Variants in ROBO2 observed in about 807,000 individuals in gnomAD.
The protein encoded by ROBO2 is roundabout guidance receptor 2, also known as roundabout homolog 2.
In ROBO2, 53 loss-of-function variants were observed where a neutral mutation model predicts 160.8. That is an observed-to-expected ratio of 0.33 (90% CI 0.26 to 0.41). The LOEUF (loss-of-function observed/expected upper bound fraction) is 0.41. Ranked by LOEUF, ROBO2 falls within the 10% of genes least tolerant of loss-of-function variation. The probability of loss-of-function intolerance (pLI) is 1.00; values close to 1 mark genes in which losing one functional copy is unlikely to be tolerated. For synonymous variants in ROBO2, 664 were observed against 611.7 expected (o/e 1.09, Z -1.26); for missense variants, 1,577 against 1,722.4 (o/e 0.92, Z 1.49).
intron 2 of ROBO2, among the ~76,000 whole-genome samples, chr3:77,374,921 G>A (rs768135017): frequency 3.7e-4 from 57 of 152,286 alleles, no homozygotes; most frequent in Non-Finnish European, 6.2e-4. Context: ...TAAGATATAT[G>A]AATGGTGCTG....
chr3:77,306,283 T>C (rs1195250773), intron 2 of ROBO2, among the ~76,000 whole-genome samples: 3 of 152,108 alleles, frequency 2.0e-5, no homozygotes, highest in African/African-American at 4.8e-5. Flanking sequence ...CTTTTACAAA[T>C]CTCTCACATG....
At chr3:77,334,278 G>A (rs377037488) in intron 2 of ROBO2, among the ~76,000 whole-genome samples, 8 of 152,096 alleles carry the variant, frequency 5.3e-5, no homozygotes, top group Admixed American at 2.0e-4. Flanking sequence ...TACATCAGTC[G>A]TGTAAATCTG....
At chr3:77,142,308 C>T (rs755081290) in intron 2 of ROBO2, among the ~76,000 whole-genome samples, 1 of 152,076 alleles carries the variant, frequency 6.6e-6, no homozygotes, top group Admixed American at 6.6e-5. Context: ...AATATATGTT[C>T]CATGTTGAAT....
At chr3:76,629,097 A>G (rs2089861432) in intron 2 of ROBO2, among the ~76,000 whole-genome samples, 1 of 152,170 alleles carries the variant, frequency 6.6e-6, no homozygotes, top group Non-Finnish European at 1.5e-5. Flanking sequence ...CATTTGGAAA[A>G]GGGCTGAAAC....
chr3:76,723,012 G>T (rs1325140756), intron 2 of ROBO2, among the ~76,000 whole-genome samples: 1 of 151,964 alleles, frequency 6.6e-6, no homozygotes, highest in African/African-American at 2.4e-5. Flanking sequence ...GATATGTTTT[G>T]TCAGAAAATA....
intron 2 of ROBO2, among the ~76,000 whole-genome samples, chr3:76,028,084 T>G (rs1388877201): frequency 1.3e-5 from 2 of 151,996 alleles, no homozygotes; most frequent in African/African-American, 4.8e-5. Context: ...TTTAGATGGA[T>G]GAAATGTTCT....
intron 2 of ROBO2, among the ~76,000 whole-genome samples, chr3:76,385,745 C>A (rs2076852915): frequency 6.6e-6 from 1 of 152,088 alleles, no homozygotes. Flanking sequence ...AGAGTTTGAT[C>A]TGGATATTTG....
chr3:76,083,646 A>G (rs1003411982), intron 2 of ROBO2, among the ~76,000 whole-genome samples: 1 of 152,118 alleles, frequency 6.6e-6, no homozygotes, highest in African/African-American at 2.4e-5. Context: ...TCTTTCACCA[A>G]TTCCCTGATA....
chr3:76,964,503 C>T (rs531992151), intron 2 of ROBO2, among the ~76,000 whole-genome samples: 50 of 152,122 alleles, frequency 3.3e-4, no homozygotes, highest in African/African-American at 9.2e-4. Flanking sequence ...CCACCATGCC[C>T]GGCTAATTTT....
At position 76,839,350 on chromosome 3, in the gene ROBO2, A is replaced by G. The variant is rs1410892240; in HGVS notation, c.110-258664A>G. Among the ~76,000 whole-genome samples the G allele has an allele frequency of 6.6e-5, 10 of 152,272 alleles. No homozygotes were observed. The South Asian group carries it at 1.0e-3, about 16-fold the overall frequency. ...TAGTTGGTGAAATAAGGCATGTAGGAAAAGATAACTAACAATTTATTGAGT... is the reference window on the plus strand; with the variant it reads ...TAGTTGGTGAAATAAGGCATGTAGGGAAAGATAACTAACAATTTATTGAGT... On this transcript the variant is annotated intron_variant, in intron 2 of 26. Coordinates refer to the ROBO2 transcript ENST00000487694.
chr3:77,469,865 C>T (rs1272947328), intron 2 of ROBO2, among the ~76,000 whole-genome samples: 1 of 152,126 alleles, frequency 6.6e-6, no homozygotes, highest in Non-Finnish European at 1.5e-5. Context: ...ATCAACCAAT[C>T]GACATTATTT....
intron 1 of ROBO2, among the ~76,000 whole-genome samples, chr3:77,087,220 T>C (rs902484020): frequency 7.9e-5 from 12 of 152,222 alleles, no homozygotes; most frequent in African/African-American, 2.7e-4. Flanking sequence ...ATAGTCTTCA[T>C]TAAATAAATG....
chr3:76,213,128 A>T (rs1270981449), intron 2 of ROBO2, among the ~76,000 whole-genome samples: 2 of 152,154 alleles, frequency 1.3e-5, no homozygotes, highest in African/African-American at 4.8e-5. Flanking sequence ...AAAGATGGGT[A>T]GAATTTCAAT....
chr3:77,603,433 ATATTAG>A (rs965229429), intron 20 of ROBO2, among the ~76,000 whole-genome samples: 9 of 152,190 alleles, frequency 5.9e-5, no homozygotes, highest in Non-Finnish European at 1.3e-4. Flanking sequence ...GTAGTTCATA[ATATTAG>A]TATATCATTG....
intron 2 of ROBO2, among the ~76,000 whole-genome samples, chr3:77,122,725 G>A (rs911836229): frequency 6.6e-6 from 1 of 152,200 alleles, no homozygotes; most frequent in Non-Finnish European, 1.5e-5. Context: ...CACATGTGGT[G>A]TTGTGGTAAT....
chr3:77,099,014 A>G (rs1479896368), intron 2 of ROBO2, among the ~76,000 whole-genome samples: 1 of 151,648 alleles, frequency 6.6e-6, no homozygotes, highest in Admixed American at 6.6e-5. Flanking sequence ...CTCCTAAATA[A>G]TAGCTCATGG....
At chr3:76,754,950 C>T (rs2060884474) in intron 2 of ROBO2, among the ~76,000 whole-genome samples, 1 of 151,806 alleles carries the variant, frequency 6.6e-6, no homozygotes, top group African/African-American at 2.4e-5. Flanking sequence ...AGTGAAAAAA[C>T]ACAATGGCTA....
chr3:77,485,563 C>T (rs948134268), intron 4 of ROBO2, among the ~76,000 whole-genome samples: 1 of 152,088 alleles, frequency 6.6e-6, no homozygotes, highest in African/African-American at 2.4e-5. Context: ...CAGTCTCAAT[C>T]TGAAAACTCT....
intron 2 of ROBO2, among the ~76,000 whole-genome samples, chr3:76,126,410 A>G (rs2070991901): frequency 1.3e-5 from 2 of 152,092 alleles, no homozygotes; most frequent in Admixed American, 1.3e-4. Flanking sequence ...TGATAGCATA[A>G]CGCTTATTTA....
Sources: gnomAD v4.1 joint callset for allele counts (sites outside exome capture counted in the v4.1 genomes callset) on GRCh38, gnomAD v4.1.1 for gene constraint, MANE v1.5 for transcripts, NCBI Gene and HGNC (gene_info 2026-07-23, HGNC 2026-07-21) for gene names.